Variants in SEMA6D observed in about 807,000 individuals in gnomAD.
SEMA6D encodes semaphorin-6D.
A neutral mutation model predicts 106.6 loss-of-function variants in SEMA6D; 35 were observed. That is an observed-to-expected ratio of 0.33 (90% confidence interval 0.25 to 0.44). The LOEUF (loss-of-function observed/expected upper bound fraction) is 0.44. Among genes scored for constraint, SEMA6D ranks in the 20% least tolerant of loss-of-function variants. The pLI, the probability that SEMA6D is intolerant of heterozygous loss-of-function variation, is 1.00. For synonymous variants in SEMA6D, 499 were observed against 487.7 expected, an observed-to-expected ratio of 1.02 and a Z score of -0.31; for missense variants, 1,185 against 1,345.9, an observed-to-expected ratio of 0.88 and a Z score of 1.87.
intron 4 of SEMA6D, among the ~76,000 whole-genome samples, chr15:47,702,716 CAT>C (rs765447846): frequency 2.3e-4 from 35 of 151,974 alleles, no homozygotes; most frequent in African/African-American, 3.1e-4. Context: ...TATGAAAAGA[CAT>C]GTGAGGAAAT....
At chr15:47,471,924 C>CTG (rs1455468884) in intron 3 of SEMA6D, among the ~76,000 whole-genome samples, 77 of 131,312 alleles carry the variant, frequency 5.9e-4, no homozygotes, top group African/African-American at 2.5e-3. Context: ...CTCTCTCTCT[C>CTG]TCTCTCTCAC....
intron 4 of SEMA6D, chr15:47,600,941 A>G (rs2076641014): frequency 6.6e-6 from 1 of 152,056 alleles, no homozygotes; most frequent in African/African-American, 2.4e-5. Flanking sequence ...AATCCAGCGA[A>G]TTGTTACTGG....
intron 1 of SEMA6D, among the ~76,000 whole-genome samples, chr15:47,745,293 A>G (rs887228821): frequency 1.3e-5 from 2 of 152,154 alleles, no homozygotes; most frequent in African/African-American, 4.8e-5. Context: ...GTCCTCAGCA[A>G]CTCTATGAGG....
At chr15:47,227,913 A>T (rs1245877344) in intron 1 of SEMA6D, among the ~76,000 whole-genome samples, 1 of 140,218 alleles carries the variant, frequency 7.1e-6, no homozygotes, top group African/African-American at 2.5e-5. Flanking sequence ...AGAATCTTAT[A>T]TATATTTTAT....
At chr15:47,366,150 G>C (rs2039022516) in intron 1 of SEMA6D, among the ~76,000 whole-genome samples, 1 of 152,166 alleles carries the variant, frequency 6.6e-6, no homozygotes, top group Admixed American at 6.5e-5. Flanking sequence ...GTGTCACTCT[G>C]ATCTGTTATT....
At chr15:47,304,964 C>G (rs936279977) in intron 1 of SEMA6D, among the ~76,000 whole-genome samples, 1 of 152,188 alleles carries the variant, frequency 6.6e-6, no homozygotes, top group Non-Finnish European at 1.5e-5. Context: ...TCTATTCATA[C>G]TTAGATGAGA....
At chr15:47,364,135 G>C (rs2038919103) in intron 1 of SEMA6D, among the ~76,000 whole-genome samples, 1 of 152,218 alleles carries the variant, frequency 6.6e-6, no homozygotes, top group African/African-American at 2.4e-5. Flanking sequence ...TGGGTTAAGA[G>C]TCAGGTTCAG....
At chr15:47,254,343 A>ATT (rs71425591) in intron 1 of SEMA6D, among the ~76,000 whole-genome samples, 1 of 147,356 alleles carries the variant, frequency 6.8e-6, no homozygotes, top group African/African-American at 2.5e-5. Context: ...ATATATATAT[A>ATT]TATATATATA....
At chr15:47,700,397 A>G (rs1024974473) in intron 4 of SEMA6D, among the ~76,000 whole-genome samples, 3 of 152,142 alleles carry the variant, frequency 2.0e-5, no homozygotes, top group African/African-American at 7.2e-5. Flanking sequence ...TTTGCCACGC[A>G]TGATGGCACA....
chr15:47,581,234 G>A (rs2076249036), intron 3 of SEMA6D: 17 of 398,632 alleles, frequency 4.3e-5, no homozygotes, highest in South Asian at 3.1e-4. Flanking sequence ...CCCTGATGAA[G>A]TTTTTGCATG....
At chr15:47,659,482 A>G (rs1596554705) in intron 4 of SEMA6D, among the ~76,000 whole-genome samples, 1 of 152,128 alleles carries the variant, frequency 6.6e-6, no homozygotes, top group Non-Finnish European at 1.5e-5. Flanking sequence ...AAAAAAAATT[A>G]AAGTATTATA....
chr15:47,560,979 T>G (rs1482366228), intron 3 of SEMA6D, among the ~76,000 whole-genome samples: 1 of 151,794 alleles, frequency 6.6e-6, no homozygotes, highest in Non-Finnish European at 1.5e-5. Flanking sequence ...CTTCCAGAAC[T>G]GTAAGACAAT....
intron 1 of SEMA6D, among the ~76,000 whole-genome samples, chr15:47,227,906 A>T (rs965488862): frequency 6.4e-5 from 9 of 141,134 alleles, no homozygotes; most frequent in Non-Finnish European, 1.1e-4. Flanking sequence ...ATATATAAGA[A>T]TCTTATATAT....
At chr15:47,211,908 G>A (rs1049754926) in intron 1 of SEMA6D, among the ~76,000 whole-genome samples, 3 of 151,528 alleles carry the variant, frequency 2.0e-5, no homozygotes, top group Admixed American at 1.3e-4. Flanking sequence ...TCCAACCACC[G>A]TGACATAAAT....
intron 4 of SEMA6D, among the ~76,000 whole-genome samples, chr15:47,701,761 A>G (rs1054543884): frequency 5.1e-4 from 77 of 152,224 alleles, no homozygotes; most frequent in African/African-American, 1.7e-3. Context: ...AAGCTGCTTT[A>G]GTGATGATAT....
At chr15:47,210,154 T>C (rs12914084) in intron 1 of SEMA6D, among the ~76,000 whole-genome samples, 62,685 of 152,010 alleles carry the variant, frequency 0.41, 13,732 homozygotes, top group African/African-American at 0.54. Flanking sequence ...ACCATTTTCT[T>C]AAAATAAAGG....
intron 2 of SEMA6D, among the ~76,000 whole-genome samples, chr15:47,459,230 C>T (rs1438265599): frequency 6.6e-6 from 1 of 152,050 alleles, no homozygotes; most frequent in Non-Finnish European, 1.5e-5. Context: ...GTGTAGACAG[C>T]TTCTAGCCAC....
intron 4 of SEMA6D, among the ~76,000 whole-genome samples, chr15:47,675,004 A>G (rs1423589371): frequency 7.9e-5 from 12 of 152,232 alleles, no homozygotes; most frequent in Admixed American, 7.2e-4. Context: ...GCATGAGCAA[A>G]TAAAACAGGC....
intron 1 of SEMA6D, among the ~76,000 whole-genome samples, chr15:47,741,793 A>C (rs1225716003): frequency 6.6e-6 from 1 of 152,218 alleles, no homozygotes; most frequent in East Asian, 1.9e-4. Flanking sequence ...GACATGTGAA[A>C]TATTTTCTAT....
Sources: allele counts gnomAD v4.1 joint callset (sites outside exome capture counted in the v4.1 genomes callset), GRCh38; gene constraint gnomAD v4.1.1; transcripts MANE v1.5; gene names NCBI Gene and HGNC (gene_info 2026-07-23, HGNC 2026-07-21).